OPA3: variants seen among roughly 807,000 people sequenced by gnomAD.
The protein encoded by OPA3 is optic atrophy 3 protein.
OPA3 carries 6 observed loss-of-function variants against 4.0 expected under a neutral mutation model. The observed-to-expected ratio is 1.51, with a 90% CI of 0.83 to 2.99. The LOEUF is 2.99. Among genes scored for constraint, OPA3 ranks in the 30% most tolerant of loss-of-function variants. The pLI is 0.00. For synonymous variants in OPA3, 105 were observed against 117.1 expected (o/e 0.90, Z 0.67); for missense variants, 235 against 256.2 (o/e 0.92, Z 0.56).
At chr19:45,559,387 CTT>C (rs1482357153) in intron 1 of OPA3, among the ~76,000 whole-genome samples, 3 of 108,348 alleles carry the variant, frequency 2.8e-5, no homozygotes, top group South Asian at 3.0e-4. Flanking sequence ...TTCTTTCCCT[CTT>C]TTTCTTTCTT....
rs372132264 is a variant in OPA3 at position 45,537,764 on chromosome 19, C to G, written c.143-8308G>C. On this transcript the variant is annotated intron_variant, in intron 1 of 1. Coordinates refer to the OPA3 transcript ENST00000323060. ...TCTCCTGCCTCAGCCTCCCGAGTGCCAGAGCAGGGAGGGAGAATGACGAGA... is the reference window on the plus strand; with the variant it reads ...TCTCCTGCCTCAGCCTCCCGAGTGCGAGAGCAGGGAGGGAGAATGACGAGA... Among the ~76,000 whole-genome samples, 385 of 152,170 alleles carry G rather than the reference C, an allele frequency of 2.5e-3. 5 individuals carry two copies. Among genetic ancestry groups the G allele is most frequent in the African/African-American group, 8.3e-3 (345 of 41,508 alleles).
chr19:45,536,036 G>A (rs1046425158), intron 1 of OPA3, among the ~76,000 whole-genome samples: 3 of 151,570 alleles, frequency 2.0e-5, no homozygotes, highest in African/African-American at 7.3e-5. Context: ...AGACCAGCCT[G>A]GCCAACATGG....
At chr19:45,562,050 A>G (rs376514381) in intron 1 of OPA3, among the ~76,000 whole-genome samples, 6 of 152,144 alleles carry the variant, frequency 3.9e-5, no homozygotes, top group African/African-American at 1.4e-4. Context: ...GAATGTTTAG[A>G]AATTCTCTTA....
chr19:45,555,148 G>A (rs1969401484), intron 1 of OPA3, among the ~76,000 whole-genome samples: 1 of 152,074 alleles, frequency 6.6e-6, no homozygotes, highest in African/African-American at 2.4e-5. Flanking sequence ...ACTCAATCCA[G>A]AAGAAAATAA....
chr19:45,553,926 A>G lies in OPA3; in HGVS notation c.143-15T>C, dbSNP rs945345327. The G allele has an allele frequency of 6.3e-7, 1 of 1,596,956 alleles. No individual in the cohort carries two copies. Among genetic ancestry groups the G allele is most frequent in the Admixed American group, 1.7e-5 (1 of 59,420 alleles). On this transcript the variant is annotated splice_polypyrimidine_tract_variant and intron_variant, in intron 1 of 1. Transcript: ENST00000263275. Reference sequence around the variant, plus strand: ...CCAGTGATACACTGCGGGGGAAGAGAGGGGTCAGGCTGCGCTCTGGGAGCC... The same window carrying G: ...CCAGTGATACACTGCGGGGGAAGAGGGGGGTCAGGCTGCGCTCTGGGAGCC...
At chr19:45,566,802 A>C (rs971658044) in intron 1 of OPA3, among the ~76,000 whole-genome samples, 1 of 151,980 alleles carries the variant, frequency 6.6e-6, no homozygotes, top group Non-Finnish European at 1.5e-5. Flanking sequence ...ATTAAATATA[A>C]CCTTACCATA....
intron 1 of OPA3, among the ~76,000 whole-genome samples, chr19:45,556,112 G>T: frequency 6.6e-6 from 1 of 152,068 alleles, no homozygotes; most frequent in East Asian, 1.9e-4. Flanking sequence ...AGTTTTACTT[G>T]TCAACTTGAA....
chr19:45,579,563 G>GTT (rs1969816120), intron 1 of OPA3, among the ~76,000 whole-genome samples: 1 of 152,040 alleles, frequency 6.6e-6, no homozygotes, highest in Non-Finnish European at 1.5e-5. Context: ...CCACAAGAAT[G>GTT]TAAGGTACCT....
chr19:45,537,228 G>A (rs1465222912), intron 1 of OPA3, among the ~76,000 whole-genome samples: 6 of 150,834 alleles, frequency 4.0e-5, no homozygotes, highest in African/African-American at 1.2e-4. Flanking sequence ...TCGCTCTGTC[G>A]CCCAGGCTGG....
intron 1 of OPA3, among the ~76,000 whole-genome samples, chr19:45,558,148 A>G (rs1385376871): frequency 6.6e-6 from 1 of 152,132 alleles, no homozygotes; most frequent in African/African-American, 2.4e-5. Flanking sequence ...CCTGGCCAAC[A>G]TGGTGAAACC....
At chr19:45,545,553 AAAC>A (rs891334327), downstream of OPA3, among the ~76,000 whole-genome samples, 14 of 151,410 alleles carry the variant, frequency 9.2e-5, no homozygotes, top group South Asian at 2.1e-4. Flanking sequence ...CAAATGGAAA[AAAC>A]AACAACAACA....
At chr19:45,555,519 C>T (rs1426228974) in intron 1 of OPA3, among the ~76,000 whole-genome samples, 1 of 150,432 alleles carries the variant, frequency 6.6e-6, no homozygotes, top group Non-Finnish European at 1.5e-5. Flanking sequence ...GAGATGGAGT[C>T]ACACTCTGTC....
In OPA3 at chr19:45,541,155, C is replaced by CT. The variant is rs1444433212; in HGVS notation, c.143-11700dup. Among the ~76,000 whole-genome samples the CT allele has an allele frequency of 2.0e-5, 3 of 152,324 alleles. No individual in the cohort carries two copies. In the East Asian group the frequency reaches 5.8e-4, roughly 29 times the overall value. On this transcript the variant is annotated intron_variant, in intron 1 of 1. Transcript: ENST00000323060. ...ACAATGTCACTGGGAACCCAGGCTC[C>CT]TTCTCGTTCAATCCCTACCCTCCTC...
chr19:45,541,899 C>T (rs1035037287), downstream of OPA3, among the ~76,000 whole-genome samples: 4 of 152,224 alleles, frequency 2.6e-5, no homozygotes, highest in Non-Finnish European at 2.9e-5. Context: ...TTCAAGGATA[C>T]GAAGAGACCC....
rs568889742 is a variant in OPA3 at position 45,529,292 on chromosome 19, G to T, written c.307C>A (p.Arg103Ser). The T allele has an allele frequency of 8.1e-6, 13 of 1,614,066 alleles. No homozygotes were observed. In the South Asian group the frequency reaches 1.4e-4, roughly 18 times the overall value. Residue 103 changes from arginine (R) to serine (S), a missense_variant, in exon 2 of 2, where the codon CGC becomes AGC. Arg to Ser is a moderately radical substitution (Grantham distance 110). Transcript: ENST00000323060. ...TTGCGGCGCTGCTGCAACTGGTGGCGCCAATACTCCAGCATCAGGCAGCTG... is the reference window on the plus strand; with the variant it reads ...TTGCGGCGCTGCTGCAACTGGTGGCTCCAATACTCCAGCATCAGGCAGCTG...
intron 1 of OPA3, among the ~76,000 whole-genome samples, chr19:45,562,452 A>G (rs1216092072): frequency 6.6e-6 from 1 of 150,870 alleles, no homozygotes; most frequent in African/African-American, 2.4e-5. Flanking sequence ...GCACTTTGGG[A>G]GGCCAAAGCA....
At chr19:45,558,247 G>A (rs1259875954) in intron 1 of OPA3, among the ~76,000 whole-genome samples, 2 of 151,980 alleles carry the variant, frequency 1.3e-5, no homozygotes, top group African/African-American at 2.4e-5. Flanking sequence ...CAGGAGAATC[G>A]CTTGAACCCA....
At chr19:45,567,571 G>C (rs564747698) in intron 1 of OPA3, among the ~76,000 whole-genome samples, 51 of 152,186 alleles carry the variant, frequency 3.4e-4, no homozygotes, top group African/African-American at 1.2e-3. Flanking sequence ...TTTATATCTT[G>C]GGTACTAGTT....
In OPA3 at chr19:45,549,272, C is replaced by T. The variant is rs891401367; in HGVS notation, c.*4242G>A. On this transcript the variant is annotated 3_prime_UTR_variant, in exon 2 of 2. Coordinates refer to ENST00000263275, the MANE Select transcript of OPA3 (RefSeq NM_025136.4). ...TCTGGCCTCTTGCATTTTGAGAGGA[C>T]GTTCTTTCCACTTCCACACACTCTG... 1.0e-6 allele frequency: 1 copy of T among 985,408 alleles called. No homozygotes were observed. Among genetic ancestry groups the T allele is most frequent in the South Asian group, 4.7e-5 (1 of 21,286 alleles). The allele number at this position is 985,408 out of a possible 1,614,324, so 61.0% of individuals were successfully genotyped here.
Sources: allele counts gnomAD v4.1 joint callset (sites outside exome capture counted in the v4.1 genomes callset), GRCh38; gene constraint gnomAD v4.1.1; transcripts MANE v1.5; gene names NCBI Gene and HGNC (gene_info 2026-07-23, HGNC 2026-07-21).